The following ADGRG6 variants were observed in gnomAD, a reference collection of about 807,000 sequenced individuals.
ADGRG6 encodes the protein adhesion G protein-coupled receptor G6.
ADGRG6 carries 84 observed loss-of-function variants against 142.4 expected under a neutral mutation model. The observed-to-expected ratio is 0.59, with a 90% CI of 0.49 to 0.71. The LOEUF is 0.71. Ranked by LOEUF, ADGRG6 falls within the 30% of genes least tolerant of loss-of-function variation. ADGRG6 has a pLI of 0.00. For synonymous variants in ADGRG6, 521 were observed against 520.5 expected (o/e 1.00, Z -0.01); for missense variants, 1,367 against 1,466.6 (o/e 0.93, Z 1.11).
At chr6:142,324,178 A>G (rs1328602575) in intron 2 of ADGRG6, among the ~76,000 whole-genome samples, 1 of 152,102 alleles carries the variant, frequency 6.6e-6, no homozygotes, top group East Asian at 1.9e-4. Context: ...TAAAACAGAA[A>G]AATGGATTTT....
At position 142,327,268 on chromosome 6, in the gene ADGRG6, TA is replaced by T. The variant is rs796244527; in HGVS notation, c.103+17635del. Among the ~76,000 whole-genome samples, 763 of 144,790 alleles carry T rather than the reference TA, an allele frequency of 5.3e-3. 5 individuals are homozygous for T. The highest frequency in any genetic ancestry group is 7.4e-3 in the Non-Finnish European group (487 of 65,400). The allele number at this position is 144,790 out of a possible 152,430, so 95.0% of individuals were successfully genotyped here. A position where few individuals can be genotyped will look rare whatever the true frequency, so the allele number is the denominator to read the frequency against. ...CAAAAAGATAAAAAGAGGAATTCAT[TA>T]AAAAAAAAAAGTCTTTGGGGACTAG... On this transcript the variant is annotated intron_variant, in intron 2 of 24. Transcript: ENST00000367609.
At chr6:142,425,249 C>T (rs1044207778) in intron 22 of ADGRG6, among the ~76,000 whole-genome samples, 2 of 151,960 alleles carry the variant, frequency 1.3e-5, no homozygotes, top group African/African-American at 4.8e-5. Context: ...TTAGAGCTGC[C>T]CAGTAGGGTC....
chr6:142,409,943 C>T (rs188816251), intron 17 of ADGRG6, 24 bp downstream of exon 17: 2 of 1,189,346 alleles, frequency 1.7e-6, no homozygotes, highest in South Asian at 2.9e-5. Context: ...TATTGGTTGT[C>T]TTAATATAGA....
chr6:142,443,290 T>A, intron 24 of ADGRG6, 47 bp from the exon 25 acceptor site: 4 of 1,322,404 alleles, frequency 3.0e-6, no homozygotes, highest in Non-Finnish European at 4.3e-6. Context: ...CCTGTAGGCA[T>A]GCCACCAGCT....
At chr6:142,334,957 A>G (rs747738226) in intron 2 of ADGRG6, among the ~76,000 whole-genome samples, 9 of 152,226 alleles carry the variant, frequency 5.9e-5, no homozygotes, top group Non-Finnish European at 1.3e-4. Context: ...TGTGGGAGTG[A>G]TTATAAATCT....
chr6:142,306,588 T>C (rs1777505626), intron 1 of ADGRG6, among the ~76,000 whole-genome samples: 1 of 152,120 alleles, frequency 6.6e-6, no homozygotes, highest in Admixed American at 6.6e-5. Flanking sequence ...CTTCCAGATA[T>C]AGGAGTCTAT....
Position 142,416,055 on chromosome 6 carries a change from A to G in ADGRG6, c.2929A>G (p.Ile977Val). Residue 977 changes from isoleucine to valine, a missense_variant, in exon 20 of 25, where the codon ATT (isoleucine) becomes GTT (valine). By Grantham distance (29) the Ile-to-Val change is conservative. Transcript: ENST00000367609. ...CCGATACATTCTAAAATTCTGCATC[A>G]TTGGCTGGGGTAAGCCTCTTAAAAT... is the stretch of plus-strand genomic sequence containing the variant. ...IRRYILKFCI[I>V]GWGLPALVVS... 2 of 1,611,562 alleles carry G rather than the reference A, an allele frequency of 1.2e-6. No homozygotes were observed. The highest frequency in any genetic ancestry group is 1.7e-6 in the Non-Finnish European group (2 of 1,178,160).
intron 8 of ADGRG6, among the ~76,000 whole-genome samples, 163 bp from the exon 9 acceptor site, chr6:142,393,733 A>G (rs1041313683): frequency 2.6e-5 from 4 of 152,170 alleles, no homozygotes; most frequent in African/African-American, 7.2e-5. Flanking sequence ...GCAAAAGCAC[A>G]CAGTTGCCTA....
chr6:142,357,125 C>A (rs913132155), intron 2 of ADGRG6, among the ~76,000 whole-genome samples: 2 of 151,990 alleles, frequency 1.3e-5, no homozygotes, highest in African/African-American at 4.8e-5. Context: ...AATAAAATAT[C>A]TTTTTTTAGC....
At chr6:142,401,932 T>C in intron 11 of ADGRG6, 62 bp from the exon 12 acceptor site, 1 of 759,994 alleles carries the variant, frequency 1.3e-6, no homozygotes, top group Non-Finnish European at 2.3e-6. Flanking sequence ...AAAAATCCCT[T>C]TAAGCAGTAC....
intron 2 of ADGRG6, among the ~76,000 whole-genome samples, chr6:142,344,672 A>C (rs1779810953): frequency 6.6e-6 from 1 of 151,952 alleles, no homozygotes; most frequent in African/African-American, 2.4e-5. Context: ...ATTTTTCATA[A>C]AATAGCTGGC....
chr6:142,388,618 C>T (rs1291768429), intron 6 of ADGRG6, among the ~76,000 whole-genome samples: 4 of 152,068 alleles, frequency 2.6e-5, no homozygotes, highest in African/African-American at 9.6e-5. Context: ...TTACCTTAGC[C>T]TACAGCTGGG....
chr6:142,322,763 G>C (rs1205862277), intron 2 of ADGRG6, among the ~76,000 whole-genome samples: 3 of 152,034 alleles, frequency 2.0e-5, no homozygotes, highest in Non-Finnish European at 2.9e-5. Context: ...ATGCTTACTT[G>C]TCTGTTTACT....
intron 22 of ADGRG6, among the ~76,000 whole-genome samples, chr6:142,428,837 G>A (rs946882007): frequency 6.6e-5 from 10 of 152,036 alleles, no homozygotes; most frequent in African/African-American, 1.9e-4. Context: ...GGGACACAAA[G>A]CCAAACCATA....
intron 12 of ADGRG6, 87 bp from the exon 13 acceptor site, chr6:142,402,533 G>A: frequency 1.4e-6 from 1 of 702,324 alleles, no homozygotes; most frequent in East Asian, 2.7e-5. Context: ...ACTGTAAAGT[G>A]AAATATTACA....
chr6:142,329,502 G>A (rs1778936219), intron 2 of ADGRG6, among the ~76,000 whole-genome samples: 1 of 152,092 alleles, frequency 6.6e-6, no homozygotes. Context: ...ATCTTCTGCA[G>A]CCTTTTGCAT....
At chr6:142,381,054 T>C (rs1781747334) in intron 4 of ADGRG6, among the ~76,000 whole-genome samples, 1 of 152,216 alleles carries the variant, frequency 6.6e-6, no homozygotes, top group African/African-American at 2.4e-5. Flanking sequence ...AAACCATGCC[T>C]CTGGAGATAC....
intron 2 of ADGRG6, among the ~76,000 whole-genome samples, chr6:142,338,798 A>G (rs1779476050): frequency 6.6e-6 from 1 of 152,226 alleles, no homozygotes; most frequent in Non-Finnish European, 1.5e-5. Flanking sequence ...AATTAAAAAT[A>G]GTAATGCCTA....
intron 6 of ADGRG6, among the ~76,000 whole-genome samples, chr6:142,387,949 A>G (rs754661591): frequency 6.6e-6 from 1 of 152,238 alleles, no homozygotes; most frequent in Non-Finnish European, 1.5e-5. Context: ...ACATATTTTG[A>G]AGTCTCTGGA....
Sources: gnomAD v4.1 joint callset for allele counts (sites outside exome capture counted in the v4.1 genomes callset) on GRCh38, gnomAD v4.1.1 for gene constraint, MANE v1.5 for transcripts, NCBI Gene and HGNC (gene_info 2026-07-23, HGNC 2026-07-21) for gene names.